The following GALE variants were observed in gnomAD, a reference collection of about 807,000 sequenced individuals.
GALE encodes UDP-galactose-4-epimerase, also known as UDP-glucose 4-epimerase.
In GALE, 32 loss-of-function variants were observed where a neutral mutation model predicts 44.1. The observed-to-expected ratio is 0.73, with a 90% confidence interval of 0.55 to 0.97. GALE has a LOEUF of 0.97. Among genes scored for constraint, GALE ranks in the 50% least tolerant of loss-of-function variants. The pLI is 0.00. For missense variants in GALE, 423 were observed against 455.6 expected, an observed-to-expected ratio of 0.93 and a Z score of 0.65; for synonymous variants, 182 against 183.5, an observed-to-expected ratio of 0.99 and a Z score of 0.06.
intron 2 of GALE, 117 bp from the exon 3 acceptor site, chr1:23,799,129 A>AC: frequency 1.4e-6 from 2 of 1,392,350 alleles, no homozygotes; most frequent in South Asian, 2.4e-5. Context: ...TGCCCTAGGT[A>AC]CCAGACTGGC....
intron 2 of GALE, 139 bp downstream of exon 2, chr1:23,799,227 T>TATC (rs1639058082): frequency 1.6e-6 from 1 of 613,576 alleles, no homozygotes; most frequent in African/African-American, 1.8e-5. Context: ...CCTCAGTTTC[T>TATC]ATCTCTGTAA....
rs528467258 is a variant in GALE, at chr1:23,797,730, C to T, written c.493G>A (p.Glu165Lys). Residue 165 changes from glutamate (E) to lysine (K), a missense_variant, in exon 6 of 12, where the codon GAG (glutamate) becomes AAG (lysine). Coordinates refer to ENST00000617979, the MANE Select transcript of GALE (RefSeq NM_001008216.2). ...TGGCACAGGTCCCGGATCATTTCCT[C>T]GATGAAGAACTTGGACTTGCCGTAA... ...NPYGKSKFFI[E>K]EMIRDLCQAD... 1.2e-6 allele frequency: 2 copies of T among 1,614,148 alleles called. No individual in the cohort carries two copies. The highest frequency in any genetic ancestry group is 1.3e-5 in the African/African-American group (1 of 75,042).
Position 23,795,860 on chromosome 1 carries a change from G to GC in GALE, c.*88dup, listed in dbSNP as rs1638929285. 7.4e-7 allele frequency: 1 copy of GC among 1,356,540 alleles called. No homozygotes were observed. 84.0% of individuals were successfully genotyped at this position (1,356,540 alleles called of 1,614,324 possible). A position where few individuals can be genotyped will look rare whatever the true frequency, so the allele number is the denominator to read the frequency against. On this transcript the variant is annotated 3_prime_UTR_variant, in exon 12 of 12. Coordinates refer to ENST00000617979, the MANE Select transcript of GALE (RefSeq NM_001008216.2). ...TTGAGGTAGGGGAGGCCTTGGCTTG[G>GC]CCCCAGCAGCTCCAGGGCCCTGAGT...
rs758390003 is a variant in GALE at position 23,798,921 on chromosome 1, A to G, written c.87T>C (p.Pro29=). 5.0e-5 allele frequency: 81 copies of G among 1,614,068 alleles called. No homozygotes were observed. Among genetic ancestry groups the G allele is most frequent in the Non-Finnish European group, 6.9e-5 (81 of 1,180,040 alleles). Residue 29 remains proline, a synonymous_variant, in exon 3 of 12, where the codon CCT becomes CCC. Coordinates refer to ENST00000617979, the MANE Select transcript of GALE (RefSeq NM_001008216.2). The surrounding 1 kb of genome is among the most constrained non-coding windows in gnomAD (Gnocchi z 4.5). ...CATTATGGAAGTTATCGATGACCACAGGCAAGTAGCCAGCCTCCAGCAGCT... is the reference window on the plus strand; with the variant it reads ...CATTATGGAAGTTATCGATGACCACGGGCAAGTAGCCAGCCTCCAGCAGCT... ...VLELLEAGYL[P]VVIDNFHNAF...
intron 2 of GALE, 82 bp downstream of exon 2, chr1:23,799,284 C>T: frequency 2.1e-6 from 1 of 486,716 alleles, no homozygotes; most frequent in South Asian, 2.1e-5. Context: ...CGTGAGGGTT[C>T]AGTGAGGTGA....
At chr1:23,799,115 A>G in intron 2 of GALE, 103 bp from the exon 3 acceptor site, 3 of 1,486,858 alleles carry the variant, frequency 2.0e-6, no homozygotes, top group Non-Finnish European at 9.3e-7. Flanking sequence ...AGGAGGCGGC[A>G]GTGTGCCCTA....
In GALE at chr1:23,798,045, T is replaced by A; in HGVS notation, c.351+72A>T. 7.2e-7 allele frequency: 1 copy of A among 1,386,472 alleles called. No individual in the cohort carries two copies. The highest frequency in any genetic ancestry group is 1.0e-6 in the Non-Finnish European group (1 of 972,298). 85.9% of individuals were successfully genotyped at this position (1,386,472 alleles called of 1,614,324 possible). A position where few individuals can be genotyped will look rare whatever the true frequency, so the allele number is the denominator to read the frequency against. ...GATGATACAGCTTGGGCTCTGTGTT[T>A]GGCACTGCCTGCCAGGCTGGGGTCC... On this transcript the variant is annotated intron_variant, in intron 5 of 11. Transcript: ENST00000617979. The surrounding 1 kb of genome is among the most constrained non-coding windows in gnomAD (Gnocchi z 4.5).
At chr1:23,797,977 C>T (rs1639013787) in intron 5 of GALE, 106 bp from the exon 6 acceptor site, 1 of 1,377,544 alleles carries the variant, frequency 7.3e-7, no homozygotes, top group Non-Finnish European at 1.0e-6. Flanking sequence ...CTCTCATTTA[C>T]AGATGGGGAA....
chr1:23,797,174 G>GCCAGGCAGCGTGT, intron 6 of GALE, 27 bp from the exon 7 acceptor site: 1 of 1,524,018 alleles, frequency 6.6e-7, no homozygotes, highest in Non-Finnish European at 9.0e-7. Flanking sequence ...AGGTGGTGAG[G>GCCAGGCAGCGTGT]CCAGAGGCAC....
Position 23,798,462 on chromosome 1 carries a change from GC to G in GALE, c.237+152del, listed in dbSNP as rs996003973. ...TGGGACCACAGGTATGGGCTACCAT[GC>G]CCAGCTAATTTTTGTATTTTTCTGT... On this transcript the variant is annotated intron_variant, in intron 4 of 11. Transcript: ENST00000617979. This position sits in a 1 kb window ranked among gnomAD's most constrained non-coding sequence, Gnocchi z 4.5. The G allele has an allele frequency of 5.7e-6, 4 of 702,454 alleles. No homozygotes were observed. The highest frequency in any genetic ancestry group is 1.8e-5 in the African/African-American group (1 of 56,786). 43.5% of individuals were successfully genotyped at this position (702,454 alleles called of 1,614,324 possible). A position where few individuals can be genotyped will look rare whatever the true frequency, so the allele number is the denominator to read the frequency against.
rs1638937301 is a variant in GALE, at chr1:23,796,043, G to A, written c.989-36C>T. 1 of 1,611,382 alleles carries A rather than the reference G, an allele frequency of 6.2e-7. No individual in the cohort carries two copies. Among genetic ancestry groups the A allele is most frequent in the Non-Finnish European group, 8.5e-7 (1 of 1,178,106 alleles). The stretch of plus-strand genomic sequence containing the variant: ...GCGAGGTGTGTGCTCAGGGCCCACG[G>A]TGGAATGCAGAGCCTCCCCCACCCC... On this transcript the variant is annotated intron_variant, in intron 11 of 11. Transcript: ENST00000617979. The surrounding 1 kb of genome is among the most constrained non-coding windows in gnomAD (Gnocchi z 5.2).
rs576468712 is a variant in GALE at position 23,795,757 on chromosome 1, A to G, written c.*192T>C. 1.2e-4 allele frequency: 77 copies of G among 628,750 alleles called. 1 individual carries two copies. In the East Asian group the frequency reaches 2.0e-3, roughly 17 times the overall value. 38.9% of individuals were successfully genotyped at this position (628,750 alleles called of 1,614,324 possible). A position where few individuals can be genotyped will look rare whatever the true frequency, so the allele number is the denominator to read the frequency against. On this transcript the variant is annotated 3_prime_UTR_variant, in exon 12 of 12. Transcript: ENST00000617979. ...GAACTCTTGGACCCTGTGGAAGATAAGAGTTAGAGACCTCGGCCTCCTGGT... is the reference window on the plus strand; with the variant it reads ...GAACTCTTGGACCCTGTGGAAGATAGGAGTTAGAGACCTCGGCCTCCTGGT...
chr1:23,796,497 G>C lies in GALE; in HGVS notation c.873+12C>G. On this transcript the variant is annotated intron_variant, in intron 10 of 11. Transcript: ENST00000617979. This position sits in a 1 kb window ranked among gnomAD's most constrained non-coding sequence, Gnocchi z 5.2. ...GTGAGGTGGGTGAGGTGGGTGGGGCGGGGGGGCCTACCTTCTTCCCAGAGG... is the reference window on the plus strand; with the variant it reads ...GTGAGGTGGGTGAGGTGGGTGGGGCCGGGGGGCCTACCTTCTTCCCAGAGG... The C allele has an allele frequency of 1.2e-6, 2 of 1,608,424 alleles. No individual in the cohort carries two copies. Among genetic ancestry groups the C allele is most frequent in the Non-Finnish European group, 1.7e-6 (2 of 1,177,954 alleles).
chr1:23,797,809 GT>G lies in GALE; in HGVS notation c.413del (p.Asn138ThrfsTer30). 1 of 1,614,102 alleles carries G rather than the reference GT, an allele frequency of 6.2e-7. No individual in the cohort carries two copies. The highest frequency in any genetic ancestry group is 8.5e-7 in the Non-Finnish European group (1 of 1,179,932). On this transcript the variant is annotated frameshift_variant, in exon 6 of 12. Transcript: ENST00000617979. LOFTEE classifies it high-confidence loss of function. Reference sequence around the variant, plus strand: ...CCTCATCAAGGGGCAGGTACTGGGGGTTCCCGTACACAGTGGCTGAGCTGCT... The same window carrying G: ...CCTCATCAAGGGGCAGGTACTGGGGGTCCCGTACACAGTGGCTGAGCTGCT... Reference protein sequence around the residue: ...VFSSSATVYGNPQYLPLDEAH... With the variant: ...VFSSSATVYGXPQYLPLDEAH...
Position 23,796,801 on chromosome 1 carries a change from G to A in GALE, c.710-19C>T. 3.1e-6 allele frequency: 5 copies of A among 1,608,096 alleles called. No individual in the cohort carries two copies. The highest frequency in any genetic ancestry group is 4.2e-6 in the Non-Finnish European group (5 of 1,176,928). On this transcript the variant is annotated intron_variant, in intron 8 of 11. Coordinates refer to ENST00000617979, the MANE Select transcript of GALE (RefSeq NM_001008216.2). The surrounding 1 kb of genome is among the most constrained non-coding windows in gnomAD (Gnocchi z 5.2). ...CGGACACCTGCAGAGAAGGGAGTGT[G>A]TTGGATGGGGAGTCTGTTCCCCCTG... is the stretch of plus-strand genomic sequence containing the variant.
In GALE at chr1:23,798,213, G is replaced by A; in HGVS notation, c.255C>T (p.Val85=). The A allele has an allele frequency of 1.9e-6, 3 of 1,613,730 alleles. No individual in the cohort carries two copies. The highest frequency in any genetic ancestry group is 2.5e-6 in the Non-Finnish European group (3 of 1,179,884). Residue 85 remains valine (V), a synonymous_variant, in exon 5 of 12, where the codon GTC becomes GTT. Transcript: ENST00000617979. The surrounding 1 kb of genome is among the most constrained non-coding windows in gnomAD (Gnocchi z 4.5). The part of the protein sequence containing the change: ...RLFKKYSFMA[V]IHFAGLKAVG... The stretch of plus-strand genomic sequence containing the variant: ...CGGCCTTGAGCCCCGCAAAGTGGAT[G>A]ACCGCCATAAAGCTGTACTGCAGGG...
chr1:23,795,710 A>C lies in GALE; in HGVS notation c.*239T>G. 1 of 595,986 alleles carries C rather than the reference A, an allele frequency of 1.7e-6. No individual in the cohort carries two copies. Among genetic ancestry groups the C allele is most frequent in the Non-Finnish European group, 3.0e-6 (1 of 333,122 alleles). 36.9% of individuals were successfully genotyped at this position (595,986 alleles called of 1,614,324 possible). On this transcript the variant is annotated 3_prime_UTR_variant, in exon 12 of 12. Coordinates refer to ENST00000617979, the MANE Select transcript of GALE (RefSeq NM_001008216.2). The stretch of plus-strand genomic sequence containing the variant: ...TTTTGTGCCAGAGCCTTGCCCCCTC[A>C]CTCACTCTTGGGGGTCCTGATGAAC...
Position 23,796,889 on chromosome 1 carries a change from T to C in GALE, c.696A>G (p.Thr232=). 6.2e-7 allele frequency: 1 copy of C among 1,613,758 alleles called. No homozygotes were observed. The highest frequency in any genetic ancestry group is 8.5e-7 in the Non-Finnish European group (1 of 1,179,880). The stretch of plus-strand genomic sequence containing the variant: ...TCCTAGGCTCACCTGTGCCATCCTC[T>C]GTGTCATAGTCATTGCCAAAGACAT... ...ALNVFGNDYD[T]EDGTGVRDYI... is the part of the protein sequence containing the mutation. The change falls in exon 8 of 12, where the codon ACA becomes ACG. Residue 232 remains threonine, a synonymous_variant. Transcript: ENST00000617979. The surrounding 1 kb of genome is among the most constrained non-coding windows in gnomAD (Gnocchi z 5.2).
chr1:23,797,145 A>G lies in GALE; in HGVS notation c.531T>C (p.Thr177=), dbSNP rs530956805. 5.0e-6 allele frequency: 8 copies of G among 1,603,990 alleles called. No individual in the cohort carries two copies. In the South Asian group the frequency reaches 5.6e-5, roughly 11 times the overall value. ...AATAGCGCAGCAGCACTGCGTTCCA[A>G]GTCTGTGGGATGTGGGTCAGGTGGT... is the stretch of plus-strand genomic sequence containing the variant. ...MIRDLCQADK[T]WNAVLLRYFN... is the part of the protein sequence containing the mutation. The change falls in exon 7 of 12, where the codon ACT becomes ACC. Residue 177 remains threonine (T), a splice_region_variant and synonymous_variant. Coordinates refer to ENST00000617979, the MANE Select transcript of GALE (RefSeq NM_001008216.2).
Sources: gnomAD v4.1 joint callset for allele counts on GRCh38, gnomAD v4.1.1 for gene constraint, Gnocchi (gnomAD v3.1) non-coding constraint, MANE v1.5 for transcripts, NCBI Gene and HGNC (gene_info 2026-07-23, HGNC 2026-07-21) for gene names.